Variants in PTAR1 observed in about 807,000 individuals in gnomAD.
PTAR1 encodes protein prenyltransferase alpha subunit repeat containing 1, also known as protein prenyltransferase alpha subunit repeat-containing protein 1.
PTAR1 carries 17 observed loss-of-function variants against 45.5 expected under a neutral mutation model. The observed-to-expected ratio is 0.37, with a 90% confidence interval of 0.26 to 0.56. The LOEUF is 0.56. PTAR1 is among the 20% of genes least tolerant of loss of function. PTAR1 has a pLI of 0.77. For synonymous variants in PTAR1, 169 were observed against 171.3 expected, an observed-to-expected ratio of 0.99 and a Z score of 0.11; for missense variants, 391 against 476.3, an observed-to-expected ratio of 0.82 and a Z score of 1.67.
chr9:69,723,668 C>G, intron 5 of PTAR1, 38 bp from the exon 6 acceptor site: 1 of 1,463,318 alleles, frequency 6.8e-7, no homozygotes, highest in Non-Finnish European at 9.3e-7. Flanking sequence ...AAGAAGAGTT[C>G]CCAAAGGTTC....
intron 1 of PTAR1, chr9:69,758,775 T>C (rs918511934): frequency 1.9e-4 from 48 of 251,712 alleles, no homozygotes; most frequent in African/African-American, 1.0e-3. Flanking sequence ...CTGAACCGGT[T>C]AGAATACTTA....
At chr9:69,741,052 T>C (rs1313333617) in intron 3 of PTAR1, among the ~76,000 whole-genome samples, 1 of 152,180 alleles carries the variant, frequency 6.6e-6, no homozygotes, top group Non-Finnish European at 1.5e-5. Context: ...TAATGGCTAC[T>C]GTACTGGATT....
In PTAR1 at chr9:69,710,185, C is replaced by A. The variant is rs924164016; in HGVS notation, c.*8157G>T. On this transcript the variant is annotated 3_prime_UTR_variant, in exon 8 of 8. Coordinates refer to ENST00000340434, the MANE Select transcript of PTAR1 (RefSeq NM_001099666.2). ...AGTAGCCCTTAGCCATATGTGACTA[C>A]TGAGCACTTAAAATGTGGCCAGTCA... 1 of 152,086 alleles carries A rather than the reference C, an allele frequency of 6.6e-6. No individual in the cohort carries two copies. Among genetic ancestry groups the A allele is most frequent in the African/African-American group, 2.4e-5 (1 of 41,422 alleles). The allele number at this position is 152,086 out of a possible 1,614,324, so 9.4% of individuals were successfully genotyped here.
At chr9:69,726,923 CT>C (rs376872614) in intron 5 of PTAR1, among the ~76,000 whole-genome samples, 285 of 127,166 alleles carry the variant, frequency 2.2e-3, no homozygotes, top group Admixed American at 2.3e-3. Flanking sequence ...TTTTTAAATT[CT>C]TTTTTTTTTT....
intron 2 of PTAR1, among the ~76,000 whole-genome samples, chr9:69,743,183 T>G (rs1057110659): frequency 6.6e-6 from 1 of 152,170 alleles, no homozygotes; most frequent in Non-Finnish European, 1.5e-5. Flanking sequence ...TCCAAAATAT[T>G]CTTATCCCAC....
chr9:69,758,527 T>C (rs1389663583), intron 1 of PTAR1: 1 of 174,548 alleles, frequency 5.7e-6, no homozygotes, highest in South Asian at 1.2e-4. Flanking sequence ...CCAAACACTC[T>C]CATTTTGAAA....
chr9:69,729,366 C>T (rs998730602), intron 5 of PTAR1, among the ~76,000 whole-genome samples: 2 of 152,094 alleles, frequency 1.3e-5, no homozygotes, highest in South Asian at 4.2e-4. Flanking sequence ...CTAATATAAC[C>T]TATTGTGAAT....
In PTAR1 at chr9:69,747,580, C is replaced by T. The variant is rs1826329305; in HGVS notation, c.256+3201G>A. Among the ~76,000 whole-genome samples the T allele has an allele frequency of 2.0e-5, 3 of 152,142 alleles. No homozygotes were observed. In the South Asian group the frequency reaches 6.2e-4, roughly 31 times the overall value. The stretch of plus-strand genomic sequence containing the variant: ...AAGGAAATTTGACAAGAAGTATCAA[C>T]TAACACTCTGCCGCAGTGTCTCAAG... On this transcript the variant is annotated intron_variant, in intron 2 of 7. Coordinates refer to ENST00000340434, the MANE Select transcript of PTAR1 (RefSeq NM_001099666.2).
Position 69,723,409 on chromosome 9 carries a change from A to T in PTAR1, c.864T>A (p.Leu288=). Residue 288 remains leucine (L), a synonymous_variant, in exon 6 of 8, where the codon CTT becomes CTA. Transcript: ENST00000340434. ...CAACTTCTTCTTCTAGAAGATGGGGAAGATTAATCCTTGGTTCTTCTGTTG... is the reference window on the plus strand; with the variant it reads ...CAACTTCTTCTTCTAGAAGATGGGGTAGATTAATCCTTGGTTCTTCTGTTG... The part of the protein sequence containing the change: ...AVSTEEPRIN[L]PHLLEEEVEF... 1 of 1,613,768 alleles carries T rather than the reference A, an allele frequency of 6.2e-7. No individual in the cohort carries two copies. Among genetic ancestry groups the T allele is most frequent in the South Asian group, 1.1e-5 (1 of 91,082 alleles).
At chr9:69,748,821 A>C (rs774937546) in intron 2 of PTAR1, among the ~76,000 whole-genome samples, 11 of 152,198 alleles carry the variant, frequency 7.2e-5, no homozygotes, top group Non-Finnish European at 1.2e-4. Flanking sequence ...TTATTTTCAG[A>C]TATCTTTTTC....
Position 69,718,225 on chromosome 9 carries a change from A to T in PTAR1, c.*117T>A. 1 of 653,462 alleles carries T rather than the reference A, an allele frequency of 1.5e-6. No individual in the cohort carries two copies. Among genetic ancestry groups the T allele is most frequent in the Non-Finnish European group, 2.5e-6 (1 of 399,892 alleles). The allele number at this position is 653,462 out of a possible 1,614,324, so 40.5% of individuals were successfully genotyped here. ...AAGATTTACTATGGACTTTCAACCT[A>T]AAGACGAAGAACATATGGTTAGCCA... On this transcript the variant is annotated 3_prime_UTR_variant, in exon 8 of 8. Transcript: ENST00000340434.
chr9:69,729,301 C>CA (rs1358040428), intron 5 of PTAR1, among the ~76,000 whole-genome samples: 2 of 152,090 alleles, frequency 1.3e-5, no homozygotes, highest in South Asian at 4.1e-4. Context: ...GCCTGGGCGA[C>CA]AGAGCAAAAC....
chr9:69,746,756 A>C (rs1412509595), intron 2 of PTAR1, among the ~76,000 whole-genome samples: 1 of 152,226 alleles, frequency 6.6e-6, no homozygotes, highest in Non-Finnish European at 1.5e-5. Context: ...TTCAGCTATA[A>C]CAAGGAGAAG....
At chr9:69,720,259 T>C (rs1165192746) in intron 6 of PTAR1, among the ~76,000 whole-genome samples, 1 of 152,186 alleles carries the variant, frequency 6.6e-6, no homozygotes, top group African/African-American at 2.4e-5. Context: ...ACACAAATGA[T>C]AAGCGAAACA....
rs894742078 is a variant in PTAR1, at chr9:69,714,419, T to C, written c.*3923A>G. The C allele has an allele frequency of 1.3e-5, 2 of 152,088 alleles. No homozygotes were observed. The highest frequency in any genetic ancestry group is 2.9e-5 in the Non-Finnish European group (2 of 67,994). The allele number at this position is 152,088 out of a possible 1,614,324, so 9.4% of individuals were successfully genotyped here. ...GGGAACTAAGGTAGGGATTATTAGA[T>C]TGTTGTACAGTAGGTGGTATCTGCC... On this transcript the variant is annotated 3_prime_UTR_variant, in exon 8 of 8. Coordinates refer to ENST00000340434, the MANE Select transcript of PTAR1 (RefSeq NM_001099666.2).
In PTAR1 at chr9:69,710,258, A is replaced by G. The variant is rs1335287428; in HGVS notation, c.*8084T>C. On this transcript the variant is annotated 3_prime_UTR_variant, in exon 8 of 8. Transcript: ENST00000340434. The stretch of plus-strand genomic sequence containing the variant: ...CAAAATACACTCAAATCTAAGACTT[A>G]GTATGGAAGAAAAAGAAGATAAGGT... 1 of 152,156 alleles carries G rather than the reference A, an allele frequency of 6.6e-6. No individual in the cohort carries two copies. The highest frequency in any genetic ancestry group is 1.5e-5 in the Non-Finnish European group (1 of 68,008). The allele number at this position is 152,156 out of a possible 1,614,324, so 9.4% of individuals were successfully genotyped here.
chr9:69,726,096 A>G (rs757439614), intron 5 of PTAR1, among the ~76,000 whole-genome samples: 1 of 152,154 alleles, frequency 6.6e-6, no homozygotes, highest in Non-Finnish European at 1.5e-5. Context: ...TTCTGATTAT[A>G]AAAGTGATAC....
chr9:69,741,704 T>C (rs1826050248), intron 3 of PTAR1, 88 bp downstream of exon 3: 2 of 824,580 alleles, frequency 2.4e-6, no homozygotes, highest in Non-Finnish European at 4.0e-6. Context: ...GGTTTATATT[T>C]CGTTTTCAAA....
chr9:69,751,195 C>A (rs775936888), intron 1 of PTAR1, among the ~76,000 whole-genome samples: 19 of 152,142 alleles, frequency 1.2e-4, no homozygotes, highest in Non-Finnish European at 2.2e-4. Flanking sequence ...AAAAAAAAGT[C>A]TTTCAAAATT....
Sources: gnomAD v4.1 joint callset for allele counts (sites outside exome capture counted in the v4.1 genomes callset) on GRCh38, gnomAD v4.1.1 for gene constraint, MANE v1.5 for transcripts, NCBI Gene and HGNC (gene_info 2026-07-23, HGNC 2026-07-21) for gene names.